ZSWIM9: variants seen among roughly 807,000 people sequenced by gnomAD.
ZSWIM9 encodes the protein zinc finger SWIM-type containing 9.
Under a neutral mutation model 25.0 loss-of-function variants are expected in ZSWIM9, and 11 were observed. That is an observed-to-expected ratio of 0.44 (90% CI 0.28 to 0.73). ZSWIM9 has a LOEUF of 0.73. Among genes scored for constraint, ZSWIM9 ranks in the 30% least tolerant of loss-of-function variants. ZSWIM9 has a pLI of 0.16. For missense variants in ZSWIM9, 1,070 were observed against 1,296.5 expected, an observed-to-expected ratio of 0.83 and a Z score of 2.68; for synonymous variants, 562 against 582.1, an observed-to-expected ratio of 0.97 and a Z score of 0.50.
chr19:48,195,036 G>A lies in ZSWIM9; in HGVS notation c.972G>A (p.Thr324=). 1.4e-6 allele frequency: 2 copies of A among 1,379,684 alleles called. No homozygotes were observed. Among genetic ancestry groups the A allele is most frequent in the African/African-American group, 1.6e-5 (1 of 63,728 alleles). 85.5% of individuals were successfully genotyped at this position (1,379,684 alleles called of 1,614,324 possible). A position where few individuals can be genotyped will look rare whatever the true frequency, so the allele number is the denominator to read the frequency against. ...TCTGCCGCGCGCAGGGCCTGGAGACGCTCTTCAGCAAGGCGCAGGAGCTGG... is the reference window on the plus strand; with the variant it reads ...TCTGCCGCGCGCAGGGCCTGGAGACACTCTTCAGCAAGGCGCAGGAGCTGG... ...VQICRAQGLE[T]LFSKAQELGG... is the part of the protein sequence containing the mutation. The change falls in exon 4 of 4, where the codon ACG becomes ACA. Residue 324 remains threonine, a synonymous_variant. Transcript: ENST00000614654. This position sits in a 1 kb window ranked among gnomAD's most constrained non-coding sequence, Gnocchi z 5.8.
At chr19:48,172,142 G>GGGCCCCGGGGGGGGGGGGGGGGGGGGT in intron 2 of ZSWIM9, 65 bp downstream of exon 2, 1 of 546,424 alleles carries the variant, frequency 1.8e-6, no homozygotes, top group Non-Finnish European at 3.2e-6. Flanking sequence ...GTGTGGGTGG[G>GGGCCCCGGGGGGGGGGGGGGGGGGGGT]AGACGGGCAG....
intron 3 of ZSWIM9, among the ~76,000 whole-genome samples, chr19:48,188,384 G>A (rs1215867665): frequency 6.6e-6 from 1 of 152,012 alleles, no homozygotes; most frequent in Non-Finnish European, 1.5e-5. Flanking sequence ...CACCAGGCCT[G>A]GCTAATTTTG....
At position 48,194,577 on chromosome 19, in the gene ZSWIM9, C is replaced by A; in HGVS notation, c.589-76C>A. The A allele has an allele frequency of 7.5e-7, 1 of 1,332,664 alleles. No homozygotes were observed. The highest frequency in any genetic ancestry group is 3.5e-5 in the Admixed American group (1 of 28,368). 82.6% of individuals were successfully genotyped at this position (1,332,664 alleles called of 1,614,324 possible). A position where few individuals can be genotyped will look rare whatever the true frequency, so the allele number is the denominator to read the frequency against. ...GGTCCCATTTCCGTAGAAGGGGAAA[C>A]CGAGGTCGGGGAGCTGGGCGGGGAG... is the stretch of plus-strand genomic sequence containing the variant. On this transcript the variant is annotated intron_variant, in intron 3 of 3. Coordinates refer to ENST00000614654, the MANE Select transcript of ZSWIM9 (RefSeq NM_199341.4). The surrounding 1 kb of genome is among the most constrained non-coding windows in gnomAD (Gnocchi z 6.0).
rs2037149379 is a variant in ZSWIM9 at position 48,195,498 on chromosome 19, A to C, written c.1434A>C (p.Gly478=). Residue 478 remains glycine (G), a synonymous_variant, in exon 4 of 4, where the codon GGA becomes GGC. Coordinates refer to ENST00000614654, the MANE Select transcript of ZSWIM9 (RefSeq NM_199341.4). The surrounding 1 kb of genome is among the most constrained non-coding windows in gnomAD (Gnocchi z 5.8). ...RVRGLETGDW[G]GAPKEGSIWR... ...GGGGCCTGGAGACAGGCGACTGGGG[A>C]GGGGCTCCGAAAGAAGGAAGTATTT... 7.1e-7 allele frequency: 1 copy of C among 1,411,366 alleles called. No homozygotes were observed. The highest frequency in any genetic ancestry group is 1.5e-5 in the African/African-American group (1 of 66,046). 87.4% of individuals were successfully genotyped at this position (1,411,366 alleles called of 1,614,324 possible). A position where few individuals can be genotyped will look rare whatever the true frequency, so the allele number is the denominator to read the frequency against.
At position 48,195,463 on chromosome 19, in the gene ZSWIM9, G is replaced by A. The variant is rs1280009272; in HGVS notation, c.1399G>A (p.Glu467Lys). The A allele has an allele frequency of 6.3e-6, 9 of 1,426,200 alleles. No individual in the cohort carries two copies. Among genetic ancestry groups the A allele is most frequent in the Non-Finnish European group, 7.3e-6 (8 of 1,098,078 alleles). The allele number at this position is 1,426,200 out of a possible 1,614,324, so 88.3% of individuals were successfully genotyped here. The part of the protein sequence containing the change: ...EPGRGAQGEN[E>K]RVRGLETGDW... Reference sequence around the variant, plus strand: ...AGGGAGGGGAGCCCAGGGGGAGAACGAGAGGGTGAGGGGCCTGGAGACAGG... The same window carrying A: ...AGGGAGGGGAGCCCAGGGGGAGAACAAGAGGGTGAGGGGCCTGGAGACAGG... Residue 467 changes from glutamate to lysine, a missense_variant, in exon 4 of 4, where the codon GAG (glutamate) becomes AAG (lysine). This residue lies in a region of ZSWIM9 where 583 missense variants were observed against 624.7 expected (regional missense o/e 0.93). Coordinates refer to ENST00000614654, the MANE Select transcript of ZSWIM9 (RefSeq NM_199341.4). The surrounding 1 kb of genome is among the most constrained non-coding windows in gnomAD (Gnocchi z 5.8).
intron 2 of ZSWIM9, among the ~76,000 whole-genome samples, chr19:48,180,256 T>G (rs2036934045): frequency 6.6e-6 from 1 of 152,002 alleles, no homozygotes; most frequent in South Asian, 2.1e-4. Context: ...CCTCAGGTGA[T>G]CCGCCCACCT....
intron 2 of ZSWIM9, among the ~76,000 whole-genome samples, chr19:48,173,932 C>T (rs560668654): frequency 6.6e-6 from 1 of 152,128 alleles, no homozygotes; most frequent in Non-Finnish European, 1.5e-5. Context: ...CTGGTCTGAC[C>T]CCAGTTTTAA....
chr19:48,197,152 G>T lies in ZSWIM9; in HGVS notation c.*325G>T. On this transcript the variant is annotated 3_prime_UTR_variant, in exon 4 of 4. Coordinates refer to ENST00000614654, the MANE Select transcript of ZSWIM9 (RefSeq NM_199341.4). ...AGGAAGGAAAGGGGCAGAGCTGGGG[G>T]GAGGGGGAGGAAGCGATCATATGGG... 1.4e-6 allele frequency: 1 copy of T among 695,362 alleles called. No homozygotes were observed. Among genetic ancestry groups the T allele is most frequent in the South Asian group, 1.5e-5 (1 of 66,602 alleles). The allele number at this position is 695,362 out of a possible 1,614,324, so 43.1% of individuals were successfully genotyped here.
chr19:48,178,445 G>A (rs575399567), intron 2 of ZSWIM9, among the ~76,000 whole-genome samples: 1 of 152,200 alleles, frequency 6.6e-6, no homozygotes, highest in East Asian at 1.9e-4. Context: ...GGGCTTTTAG[G>A]GGGTGTGTTA....
Position 48,182,460 on chromosome 19 carries a change from C to T in ZSWIM9, c.281C>T (p.Pro94Leu), listed in dbSNP as rs1568576725. The change falls in exon 3 of 4, where the codon CCC (proline) becomes CTC (leucine). Residue 94 changes from proline (P) to leucine (L), a missense_variant. By Grantham distance (98) the Pro-to-Leu change is moderately conservative. Coordinates refer to ENST00000614654, the MANE Select transcript of ZSWIM9 (RefSeq NM_199341.4). The surrounding 1 kb of genome is among the most constrained non-coding windows in gnomAD (Gnocchi z 4.6). ...GGTGGTGGTTCCTCCCACAGGCCTC[C>T]CCAGCCCGGCTGCCCCGCCTTCATC... ...RAPSRPAVGP[P>L]QPGCPAFIIV... The T allele has an allele frequency of 6.5e-7, 1 of 1,533,144 alleles. No homozygotes were observed. Among genetic ancestry groups the T allele is most frequent in the Admixed American group, 2.0e-5 (1 of 50,860 alleles). 95.0% of individuals were successfully genotyped at this position (1,533,144 alleles called of 1,614,324 possible). A position where few individuals can be genotyped will look rare whatever the true frequency, so the allele number is the denominator to read the frequency against.
intron 3 of ZSWIM9, among the ~76,000 whole-genome samples, chr19:48,192,364 C>T (rs1417109497): frequency 2.8e-5 from 4 of 142,538 alleles, no homozygotes; most frequent in South Asian, 2.3e-4. Context: ...GAGGAAGAAT[C>T]GCTTGAACCC....
intron 3 of ZSWIM9, among the ~76,000 whole-genome samples, chr19:48,187,183 T>A (rs1230496916): frequency 2.8e-5 from 4 of 144,822 alleles, no homozygotes; most frequent in African/African-American, 1.0e-4. Flanking sequence ...GTCCCTATCA[T>A]ATTGCCTCTG....
In ZSWIM9 at chr19:48,182,527, G is replaced by T; in HGVS notation, c.348G>T (p.Thr116=). The T allele has an allele frequency of 6.5e-7, 1 of 1,535,884 alleles. No individual in the cohort carries two copies. Among genetic ancestry groups the T allele is most frequent in the Non-Finnish European group, 8.7e-7 (1 of 1,146,750 alleles). ...CGCTGCGGGACCGCCTCGTGGTGAC[G>T]GAGTGCCAGCTGACCCACTCACACC... ...LSPLRDRLVV[T]ECQLTHSHPA... is the part of the protein sequence containing the mutation. Residue 116 remains threonine (T), a synonymous_variant, in exon 3 of 4, where the codon ACG becomes ACT. Coordinates refer to ENST00000614654, the MANE Select transcript of ZSWIM9 (RefSeq NM_199341.4). This position sits in a 1 kb window ranked among gnomAD's most constrained non-coding sequence, Gnocchi z 4.6.
rs1226476000 is a variant in ZSWIM9 at position 48,182,695 on chromosome 19, G to C, written c.516G>C (p.Lys172Asn). The C allele has an allele frequency of 6.5e-7, 1 of 1,535,620 alleles. No homozygotes were observed. Among genetic ancestry groups the C allele is most frequent in the East Asian group, 2.4e-5 (1 of 40,892 alleles). The change falls in exon 3 of 4, where the codon AAG becomes AAC. Residue 172 changes from lysine to asparagine, a missense_variant. By Grantham distance (94) the Lys-to-Asn change is moderately conservative. Transcript: ENST00000614654. The surrounding 1 kb of genome is among the most constrained non-coding windows in gnomAD (Gnocchi z 4.6). ...TGCGCCGCCTGCTGTCCTACTGCAAGGGCCGCGACCACGGCGTCCTGGACG... is the reference window on the plus strand; with the variant it reads ...TGCGCCGCCTGCTGTCCTACTGCAACGGCCGCGACCACGGCGTCCTGGACG... ...ADVRRLLSYC[K>N]GRDHGVLDAL...
Position 48,182,803 on chromosome 19 carries a change from C to CGG in ZSWIM9, c.588+40_588+41dup, listed in dbSNP as rs2036965821. The CGG allele has an allele frequency of 6.8e-7, 1 of 1,461,542 alleles. No individual in the cohort carries two copies. Among genetic ancestry groups the CGG allele is most frequent in the Non-Finnish European group, 9.2e-7 (1 of 1,092,862 alleles). 90.5% of individuals were successfully genotyped at this position (1,461,542 alleles called of 1,614,324 possible). ...GAGAGAGGCAGGCCGGGGGAGGGGG[C>CGG]GGGGGAAAGCCGCGCTGAAGACTCG... On this transcript the variant is annotated intron_variant, in intron 3 of 3. Transcript: ENST00000614654. The surrounding 1 kb of genome is among the most constrained non-coding windows in gnomAD (Gnocchi z 4.6).
Position 48,196,720 on chromosome 19 carries a change from C to T in ZSWIM9, c.2656C>T (p.Arg886Cys), listed in dbSNP as rs1328166195. 23 of 1,232,840 alleles carry T rather than the reference C, an allele frequency of 1.9e-5. No homozygotes were observed. The highest frequency in any genetic ancestry group is 2.1e-5 in the Non-Finnish European group (21 of 988,604). The allele number at this position is 1,232,840 out of a possible 1,614,324, so 76.4% of individuals were successfully genotyped here. The change falls in exon 4 of 4, where the codon CGC (arginine) becomes TGC (cysteine). Residue 886 changes from arginine (R) to cysteine (C), a missense_variant. By Grantham distance (180) the Arg-to-Cys change is radical. This residue lies in a region of ZSWIM9 where 583 missense variants were observed against 624.7 expected (regional missense o/e 0.93). Transcript: ENST00000614654. ...TRCSCSIHAA[R>C]RLPCRHLFAA... ...CTGCAGCTGCTCAATTCACGCCGCC[C>T]GCCGTCTGCCCTGCAGACACCTCTT...
chr19:48,178,118 G>C (rs1167874920), intron 2 of ZSWIM9, among the ~76,000 whole-genome samples: 1 of 152,166 alleles, frequency 6.6e-6, no homozygotes. Context: ...GGCTGGTCTC[G>C]AACTCCTGAC....
intron 3 of ZSWIM9, among the ~76,000 whole-genome samples, chr19:48,187,432 T>TATATTATATATTATATATTA (rs1568579353): frequency 2.3e-5 from 2 of 88,358 alleles, no homozygotes; most frequent in South Asian, 3.1e-4. Flanking sequence ...TATTATATTA[T>TATATTATATATTATATATTA]ATTATATATA....
At chr19:48,170,829 T>C (rs1228881573) in intron 1 of ZSWIM9, 115 bp downstream of exon 1, 1 of 111,384 alleles carries the variant, frequency 9.0e-6, no homozygotes, top group Non-Finnish European at 1.8e-5. Flanking sequence ...AGTAGGAGGG[T>C]CGGGAGCGGG....
Sources: allele counts gnomAD v4.1 joint callset (sites outside exome capture counted in the v4.1 genomes callset), GRCh38; gene constraint gnomAD v4.1.1; regional missense constraint gnomAD v4.1.1; non-coding constraint Gnocchi (gnomAD v3.1); transcripts MANE v1.5; gene names NCBI Gene and HGNC (gene_info 2026-07-23, HGNC 2026-07-21).